Variants in NCAM2 observed in about 807,000 individuals in gnomAD.
NCAM2 encodes neural cell adhesion molecule 2.
NCAM2 carries 30 observed loss-of-function variants against 98.1 expected under a neutral mutation model. The observed-to-expected ratio is 0.31, with a 90% CI of 0.23 to 0.41. NCAM2 has a LOEUF of 0.41. NCAM2 is among the 10% of genes least tolerant of loss of function. The pLI, the probability that NCAM2 is intolerant of heterozygous loss-of-function variation, is 1.00. For missense variants in NCAM2, 867 were observed against 1,005.8 expected (o/e 0.86, Z 1.87); for synonymous variants, 368 against 342.4 (o/e 1.07, Z -0.83).
At chr21:21,513,573 C>A (rs1988525167) in intron 16 of NCAM2, among the ~76,000 whole-genome samples, 1 of 151,784 alleles carries the variant, frequency 6.6e-6, no homozygotes. Flanking sequence ...GATATGATTT[C>A]AATTTTTTGG....
chr21:21,329,870 T>A (rs1168796604), intron 6 of NCAM2, among the ~76,000 whole-genome samples: 2 of 152,176 alleles, frequency 1.3e-5, no homozygotes, highest in Admixed American at 1.3e-4. Context: ...TTTTCTTTAG[T>A]GAGCTTAGAT....
At chr21:21,362,010 T>G (rs898078120) in intron 8 of NCAM2, among the ~76,000 whole-genome samples, 5 of 152,184 alleles carry the variant, frequency 3.3e-5, no homozygotes, top group Non-Finnish European at 5.9e-5. Flanking sequence ...TTTAGCAAAT[T>G]TTATTAGCCC....
intron 12 of NCAM2, among the ~76,000 whole-genome samples, chr21:21,444,856 AT>A (rs1979859749): frequency 6.6e-6 from 1 of 151,500 alleles, no homozygotes; most frequent in Non-Finnish European, 1.5e-5. Flanking sequence ...GATCTTAGTT[AT>A]TTCTTGTCTT....
chr21:21,299,599 C>T (rs111939811), intron 5 of NCAM2, among the ~76,000 whole-genome samples: 5 of 151,356 alleles, frequency 3.3e-5, no homozygotes, highest in African/African-American at 1.2e-4. Context: ...CCCTCCTTCC[C>T]TCCCTCCCTC....
intron 5 of NCAM2, among the ~76,000 whole-genome samples, chr21:21,309,005 C>T (rs2073964013): frequency 6.6e-6 from 1 of 152,178 alleles, no homozygotes; most frequent in East Asian, 1.9e-4. Flanking sequence ...TTTAAAATAC[C>T]TACCCCAGAA....
At chr21:21,238,157 A>G (rs148683145) in intron 1 of NCAM2, among the ~76,000 whole-genome samples, 2 of 151,920 alleles carry the variant, frequency 1.3e-5, no homozygotes. Flanking sequence ...GGGTTTTGTC[A>G]TCTTGGCCAG....
chr21:21,498,280 CATT>C (rs1324556122), intron 15 of NCAM2, among the ~76,000 whole-genome samples: 1 of 152,008 alleles, frequency 6.6e-6, no homozygotes, highest in Non-Finnish European at 1.5e-5. Flanking sequence ...TGTTTTTAAG[CATT>C]ATTATTTTTA....
chr21:21,126,255 A>AAAAAG (rs2066821755), intron 1 of NCAM2, among the ~76,000 whole-genome samples: 2 of 145,756 alleles, frequency 1.4e-5, no homozygotes, highest in South Asian at 4.2e-4. Flanking sequence ...AAAAAAAAAA[A>AAAAAG]AAATCGCAGA....
intron 8 of NCAM2, among the ~76,000 whole-genome samples, chr21:21,350,904 G>A (rs1602068127): frequency 6.7e-6 from 1 of 148,268 alleles, no homozygotes. Context: ...TGGCTAACAG[G>A]GTGAAACCCC....
intron 16 of NCAM2, among the ~76,000 whole-genome samples, chr21:21,510,418 C>G (rs761977467): frequency 3.3e-5 from 5 of 152,100 alleles, no homozygotes; most frequent in Non-Finnish European, 5.9e-5. Flanking sequence ...TATTTTGGAA[C>G]TTCACATAAA....
intron 2 of NCAM2, among the ~76,000 whole-genome samples, chr21:21,282,591 A>G (rs1158819074): frequency 6.6e-6 from 1 of 151,716 alleles, no homozygotes; most frequent in Non-Finnish European, 1.5e-5. Context: ...GACAATCTAG[A>G]TACTCCTCCA....
chr21:21,447,149 A>G (rs1602367866), intron 12 of NCAM2, among the ~76,000 whole-genome samples: 1 of 152,028 alleles, frequency 6.6e-6, no homozygotes, highest in South Asian at 2.1e-4. Context: ...TGACTTCAAA[A>G]TATACTACAA....
At chr21:21,257,143 G>A (rs1415142675) in intron 1 of NCAM2, among the ~76,000 whole-genome samples, 2 of 152,180 alleles carry the variant, frequency 1.3e-5, no homozygotes, top group South Asian at 4.1e-4. Flanking sequence ...TGATAAACAA[G>A]TCATAAAGAA....
chr21:21,236,011 A>G (rs1419445122), intron 1 of NCAM2, among the ~76,000 whole-genome samples: 2 of 152,088 alleles, frequency 1.3e-5, no homozygotes, highest in Non-Finnish European at 2.9e-5. Flanking sequence ...TGCTTGAATG[A>G]AGTCAAGCAC....
At chr21:21,408,078 T>A (rs1357932093) in intron 9 of NCAM2, among the ~76,000 whole-genome samples, 1 of 152,212 alleles carries the variant, frequency 6.6e-6, no homozygotes, top group Non-Finnish European at 1.5e-5. Context: ...AGATACATTC[T>A]GACCCCCAAA....
intron 5 of NCAM2, among the ~76,000 whole-genome samples, chr21:21,299,256 C>T (rs2073616816): frequency 6.6e-6 from 1 of 150,836 alleles, no homozygotes; most frequent in Non-Finnish European, 1.5e-5. Context: ...GTATTTTATT[C>T]ACACTGAAAT....
chr21:21,001,120 G>A (rs1016513983), intron 1 of NCAM2, among the ~76,000 whole-genome samples: 2 of 152,168 alleles, frequency 1.3e-5, no homozygotes, highest in African/African-American at 4.8e-5. Flanking sequence ...CAACAATGAT[G>A]TATTCCCTTT....
intron 1 of NCAM2, among the ~76,000 whole-genome samples, chr21:21,058,669 A>ATTTT (rs59289753): frequency 6.9e-6 from 1 of 144,884 alleles, no homozygotes; most frequent in African/African-American, 2.5e-5. Flanking sequence ...TTCACACAGG[A>ATTTT]TTTTTTTTTT....
At chr21:21,456,798 TA>T (rs1319930906) in intron 12 of NCAM2, among the ~76,000 whole-genome samples, 1 of 152,148 alleles carries the variant, frequency 6.6e-6, no homozygotes, top group Non-Finnish European at 1.5e-5. Flanking sequence ...GGTGCCCTTT[TA>T]AAAGATATTC....
Sources: gnomAD v4.1 joint callset for allele counts (sites outside exome capture counted in the v4.1 genomes callset) on GRCh38, gnomAD v4.1.1 for gene constraint, MANE v1.5 for transcripts, NCBI Gene and HGNC (gene_info 2026-07-23, HGNC 2026-07-21) for gene names.